The following MOSMO variants were observed in gnomAD, a reference collection of about 807,000 sequenced individuals.
MOSMO encodes the protein modulator of smoothened, also known as modulator of smoothened protein.
Under a neutral mutation model 18.4 loss-of-function variants are expected in MOSMO, and 5 were observed. That is an observed-to-expected ratio of 0.27 (90% CI 0.14 to 0.57). The LOEUF is 0.57. Among genes scored for constraint, MOSMO ranks in the 20% least tolerant of loss-of-function variants. The pLI is 0.92. For synonymous variants in MOSMO, 82 were observed against 82.3 expected (o/e 1.00, Z 0.02); for missense variants, 138 against 211.8 (o/e 0.65, Z 2.16).
Position 22,008,125 on chromosome 16 carries a change from G to C in MOSMO, c.-177G>C, listed in dbSNP as rs1250529626. 6.7e-6 allele frequency: 1 copy of C among 148,316 alleles called. No homozygotes were observed. The highest frequency in any genetic ancestry group is 1.5e-5 in the Non-Finnish European group (1 of 67,224). The allele number at this position is 148,316 out of a possible 1,614,324, so 9.2% of individuals were successfully genotyped here. On this transcript the variant is annotated 5_prime_UTR_variant, in exon 1 of 3. Transcript: ENST00000542527. ...GGGCGGGCGGCGGTTCCGTCTGTGCGGGCCGCGCCGCGGCTGCTGGTCCCG... is the reference window on the plus strand; with the variant it reads ...GGGCGGGCGGCGGTTCCGTCTGTGCCGGCCGCGCCGCGGCTGCTGGTCCCG...
chr16:22,041,669 T>C (rs756359147), intron 1 of MOSMO, among the ~76,000 whole-genome samples: 4 of 152,104 alleles, frequency 2.6e-5, no homozygotes, highest in Non-Finnish European at 5.9e-5. Context: ...TATTTTTTAA[T>C]TTTAACTTTA....
intron 1 of MOSMO, among the ~76,000 whole-genome samples, chr16:22,020,636 T>C (rs1053298237): frequency 6.6e-6 from 1 of 152,180 alleles, no homozygotes; most frequent in Non-Finnish European, 1.5e-5. Context: ...TTGTAGGTTG[T>C]TTTGTTGATT....
chr16:22,032,188 CTT>C (rs1323183775), intron 1 of MOSMO, among the ~76,000 whole-genome samples: 9 of 132,646 alleles, frequency 6.8e-5, no homozygotes, highest in African/African-American at 8.2e-5. Flanking sequence ...CTACCCTTTT[CTT>C]TTTTTTTTTT....
At chr16:22,045,176 C>T (rs1028367396) in intron 1 of MOSMO, among the ~76,000 whole-genome samples, 32 of 146,918 alleles carry the variant, frequency 2.2e-4, no homozygotes, top group Admixed American at 1.6e-3. Context: ...TAGAACCAGA[C>T]ATTGTCTCAA....
At chr16:22,019,280 G>C (rs1899704715) in intron 1 of MOSMO, among the ~76,000 whole-genome samples, 3 of 152,120 alleles carry the variant, frequency 2.0e-5, no homozygotes, top group Admixed American at 2.0e-4. Flanking sequence ...TAGCCCCTCT[G>C]TATTACTTTC....
chr16:22,055,541 C>G (rs1900515942), intron 1 of MOSMO, among the ~76,000 whole-genome samples: 1 of 152,214 alleles, frequency 6.6e-6, no homozygotes. Context: ...TCCTACTACC[C>G]TTGCATCCTC....
At chr16:22,073,865 T>A (rs1026842705) in intron 1 of MOSMO, among the ~76,000 whole-genome samples, 12 of 152,154 alleles carry the variant, frequency 7.9e-5, no homozygotes, top group East Asian at 3.9e-4. Flanking sequence ...ATAATGTTGC[T>A]TGCACCTGGG....
chr16:22,009,312 C>T (rs545694015), intron 1 of MOSMO, among the ~76,000 whole-genome samples: 31 of 152,284 alleles, frequency 2.0e-4, no homozygotes, highest in African/African-American at 7.2e-4. Flanking sequence ...GGCAGCCCGG[C>T]AGCGGGAGCA....
intron 1 of MOSMO, among the ~76,000 whole-genome samples, chr16:22,015,528 T>C (rs376095224): frequency 2.0e-5 from 3 of 152,320 alleles, no homozygotes; most frequent in South Asian, 4.1e-4. Flanking sequence ...AGATGTTTTT[T>C]AAATGTGATT....
rs1183421476 is a variant in MOSMO, at chr16:22,083,151, T to C, written c.*2271T>C. On this transcript the variant is annotated 3_prime_UTR_variant, in exon 3 of 3. Coordinates refer to ENST00000542527, the MANE Select transcript of MOSMO (RefSeq NM_001164579.2). The stretch of plus-strand genomic sequence containing the variant: ...AAAAGATGAATTGTATTGTAAATAG[T>C]TTCTCAAAATATTTTTAACTGGATC... The C allele has an allele frequency of 6.6e-6, 1 of 152,214 alleles. No homozygotes were observed. The highest frequency in any genetic ancestry group is 1.5e-5 in the Non-Finnish European group (1 of 68,062). The allele number at this position is 152,214 out of a possible 1,614,324, so 9.4% of individuals were successfully genotyped here.
At chr16:22,011,158 A>C (rs1054117519) in intron 1 of MOSMO, among the ~76,000 whole-genome samples, 17 of 152,158 alleles carry the variant, frequency 1.1e-4, no homozygotes, top group African/African-American at 4.1e-4. Context: ...TGCGTCGTGG[A>C]AGTTGATGGT....
At chr16:22,038,278 T>C (rs1900146150) in intron 1 of MOSMO, among the ~76,000 whole-genome samples, 1 of 152,224 alleles carries the variant, frequency 6.6e-6, no homozygotes, top group South Asian at 2.1e-4. Context: ...AGTAGGAGCC[T>C]CATTCACAGT....
At chr16:22,048,335 A>G (rs1900356158) in intron 1 of MOSMO, among the ~76,000 whole-genome samples, 1 of 152,238 alleles carries the variant, frequency 6.6e-6, no homozygotes, top group African/African-American at 2.4e-5. Flanking sequence ...GGATATGTTA[A>G]CACTGTATAA....
chr16:22,078,795 T>G (rs917065789), intron 2 of MOSMO, among the ~76,000 whole-genome samples: 1 of 152,180 alleles, frequency 6.6e-6, no homozygotes, highest in Non-Finnish European at 1.5e-5. Flanking sequence ...CATTAGAAAT[T>G]GGTGACAGAC....
At chr16:22,028,631 T>G (rs1899927821) in intron 1 of MOSMO, among the ~76,000 whole-genome samples, 1 of 152,184 alleles carries the variant, frequency 6.6e-6, no homozygotes, top group African/African-American at 2.4e-5. Context: ...ACAACTGCTT[T>G]CTTTTTTAAT....
chr16:22,029,254 G>A (rs1472740626), intron 1 of MOSMO, among the ~76,000 whole-genome samples: 4 of 152,130 alleles, frequency 2.6e-5, no homozygotes, highest in African/African-American at 9.7e-5. Context: ...AATTTTGAAA[G>A]CATTCTTTCT....
intron 1 of MOSMO, among the ~76,000 whole-genome samples, chr16:22,042,850 A>C (rs1194290831): frequency 3.9e-5 from 6 of 152,238 alleles, no homozygotes; most frequent in Non-Finnish European, 8.8e-5. Context: ...AACAACTCTG[A>C]GATAGATAAC....
chr16:22,023,259 C>T (rs557940609), intron 1 of MOSMO, among the ~76,000 whole-genome samples: 5 of 152,238 alleles, frequency 3.3e-5, no homozygotes, highest in East Asian at 1.9e-4. Context: ...AAGACAAACC[C>T]TTTTATGTTG....
chr16:22,041,775 A>G (rs1567506280), intron 1 of MOSMO, among the ~76,000 whole-genome samples: 1 of 152,024 alleles, frequency 6.6e-6, no homozygotes, highest in African/African-American at 2.4e-5. Flanking sequence ...ACTGGGCTCA[A>G]GCATTCCTCC....
Sources: allele counts gnomAD v4.1 joint callset (sites outside exome capture counted in the v4.1 genomes callset), GRCh38; gene constraint gnomAD v4.1.1; transcripts MANE v1.5; gene names NCBI Gene and HGNC (gene_info 2026-07-23, HGNC 2026-07-21).